The following MAML3 variants were observed in gnomAD, a reference collection of about 807,000 sequenced individuals.
MAML3 encodes the protein mastermind-like protein 3.
In MAML3, 27 loss-of-function variants were observed where a neutral mutation model predicts 101.9. The ratio of observed to expected loss-of-function variants is 0.27; its 90% confidence interval spans 0.20 to 0.37. The LOEUF (loss-of-function observed/expected upper bound fraction) is 0.37, where lower values mean the gene tolerates loss of function less well. Among genes scored for constraint, MAML3 ranks in the 10% least tolerant of loss-of-function variants. The probability of loss-of-function intolerance (pLI) is 1.00; values close to 1 mark genes in which losing one functional copy is unlikely to be tolerated. For missense variants in MAML3, 1,316 were observed against 1,444.9 expected (o/e 0.91, Z 1.45); for synonymous variants, 501 against 555.9 (o/e 0.90, Z 1.39).
chr4:140,068,466 T>C (rs889710961), intron 1 of MAML3, among the ~76,000 whole-genome samples: 4 of 152,194 alleles, frequency 2.6e-5, no homozygotes, highest in African/African-American at 9.7e-5. Context: ...TCTCTCTACC[T>C]AGGCACTTTT....
At chr4:139,760,526 G>A (rs75583187) in intron 2 of MAML3, among the ~76,000 whole-genome samples, 176 of 152,280 alleles carry the variant, frequency 1.2e-3, no homozygotes, top group African/African-American at 4.0e-3. Context: ...ATGGGCACAG[G>A]ACACGCTCAA....
chr4:139,846,706 T>G (rs928371508), intron 2 of MAML3, among the ~76,000 whole-genome samples: 2 of 152,212 alleles, frequency 1.3e-5, no homozygotes, highest in African/African-American at 4.8e-5. Flanking sequence ...AGACAGAGCT[T>G]TTCTTTACAG....
chr4:139,926,587 G>A (rs993151258), intron 1 of MAML3, among the ~76,000 whole-genome samples: 6 of 152,182 alleles, frequency 3.9e-5, no homozygotes, highest in Non-Finnish European at 5.9e-5. Flanking sequence ...GAGATAAAGC[G>A]AGACTCCGTC....
At chr4:139,763,615 T>TA (rs141411580) in intron 2 of MAML3, among the ~76,000 whole-genome samples, 103,752 of 151,870 alleles carry the variant, frequency 0.68, 36,622 homozygotes, top group South Asian at 0.79. Context: ...AGCATTGGAT[T>TA]AAAAAAATCA....
intron 1 of MAML3, among the ~76,000 whole-genome samples, chr4:140,042,644 A>G (rs1174739849): frequency 1.6e-4 from 1 of 6,110 alleles, no homozygotes; most frequent in African/African-American, 1.7e-4. Flanking sequence ...AAAAAAAAGA[A>G]AAAAAAAATG....
chr4:139,918,021 G>A (rs1733057891), intron 1 of MAML3, among the ~76,000 whole-genome samples: 1 of 152,110 alleles, frequency 6.6e-6, no homozygotes, highest in African/African-American at 2.4e-5. Flanking sequence ...CTCAGAATGG[G>A]TCACACCTAT....
At chr4:140,138,669 TGA>T (rs1320434338) in intron 1 of MAML3, among the ~76,000 whole-genome samples, 1 of 151,660 alleles carries the variant, frequency 6.6e-6, no homozygotes, top group Non-Finnish European at 1.5e-5. Context: ...CTCTCCCCAG[TGA>T]GAGAGGGGAA....
chr4:139,740,089 C>T (rs1729108721), intron 2 of MAML3: 1 of 152,160 alleles, frequency 6.6e-6, no homozygotes, highest in Non-Finnish European at 1.5e-5. Context: ...ACATTGCTGC[C>T]ACAAAGAGCT....
chr4:140,111,796 A>C (rs1416594962), intron 1 of MAML3, among the ~76,000 whole-genome samples: 2 of 152,252 alleles, frequency 1.3e-5, no homozygotes, highest in Non-Finnish European at 2.9e-5. Flanking sequence ...AAACTGGCTC[A>C]GAAACCTCCT....
chr4:139,812,996 A>G (rs1730831362), intron 2 of MAML3, among the ~76,000 whole-genome samples: 1 of 151,254 alleles, frequency 6.6e-6, no homozygotes, highest in East Asian at 1.9e-4. Flanking sequence ...AAAGGGGAGA[A>G]CCTATGAGTT....
chr4:139,855,841 G>A (rs1311289421), intron 2 of MAML3, among the ~76,000 whole-genome samples: 2 of 152,188 alleles, frequency 1.3e-5, no homozygotes, highest in Non-Finnish European at 2.9e-5. Context: ...ACAGAATAAA[G>A]TTATTATGAG....
At chr4:139,981,001 T>C (rs1734433762) in intron 1 of MAML3, among the ~76,000 whole-genome samples, 1 of 152,182 alleles carries the variant, frequency 6.6e-6, no homozygotes, top group Non-Finnish European at 1.5e-5. Context: ...CAATGTTGTT[T>C]TTAAAAACAA....
At chr4:139,885,165 C>T (rs1016421798) in intron 2 of MAML3, among the ~76,000 whole-genome samples, 2 of 152,008 alleles carry the variant, frequency 1.3e-5, no homozygotes, top group African/African-American at 4.8e-5. Context: ...CTATGGGAAG[C>T]CAAGGCAGGA....
intron 2 of MAML3, among the ~76,000 whole-genome samples, chr4:139,880,702 T>G (rs1445703799): frequency 6.6e-6 from 1 of 152,172 alleles, no homozygotes; most frequent in African/African-American, 2.4e-5. Context: ...TGAAACCCAC[T>G]CTATTGGAGC....
intron 1 of MAML3, among the ~76,000 whole-genome samples, chr4:139,961,596 G>T (rs769673): frequency 5.2e-4 from 79 of 152,008 alleles, no homozygotes; most frequent in Non-Finnish European, 9.9e-4. Flanking sequence ...TTCTAGTTCC[G>T]CATTCCTATG....
At chr4:140,136,258 A>C (rs1728881257) in intron 1 of MAML3, among the ~76,000 whole-genome samples, 1 of 152,152 alleles carries the variant, frequency 6.6e-6, no homozygotes, top group Non-Finnish European at 1.5e-5. Context: ...TTGACTGTGA[A>C]GTGTCTGCAC....
chr4:140,044,737 G>A (rs1219430717), intron 1 of MAML3, among the ~76,000 whole-genome samples: 2 of 152,196 alleles, frequency 1.3e-5, no homozygotes, highest in African/African-American at 2.4e-5. Context: ...CTGGACATGT[G>A]TGAACTGACG....
chr4:139,916,230 A>G (rs376491226), intron 1 of MAML3, among the ~76,000 whole-genome samples: 1 of 152,142 alleles, frequency 6.6e-6, no homozygotes, highest in South Asian at 2.1e-4. Context: ...GGCTCCTGAG[A>G]TAGGAAAAAA....
At position 139,934,115 on chromosome 4, in the gene MAML3, G is replaced by T. The variant is rs115787657; in HGVS notation, c.469-43148C>A. ...TGTGAATGAGTGTGTGTCTATGTGT[G>T]TGAATACGTGTATGTGTGAATGTCA... On this transcript the variant is annotated intron_variant, in intron 1 of 4. Coordinates refer to ENST00000509479, the MANE Select transcript of MAML3 (RefSeq NM_018717.5). Among the ~76,000 whole-genome samples the T allele has an allele frequency of 6.6e-4, 101 of 152,220 alleles. 1 individual carries two copies. Among genetic ancestry groups the T allele is most frequent in the African/African-American group, 2.2e-3 (91 of 41,542 alleles).
Sources: gnomAD v4.1 joint callset for allele counts (sites outside exome capture counted in the v4.1 genomes callset) on GRCh38, gnomAD v4.1.1 for gene constraint, MANE v1.5 for transcripts, NCBI Gene and HGNC (gene_info 2026-07-23, HGNC 2026-07-21) for gene names.